ST8SIA1: variants seen among roughly 807,000 people sequenced by gnomAD.
ST8SIA1 encodes the protein alpha-N-acetylneuraminide alpha-2,8-sialyltransferase.
A neutral mutation model predicts 35.9 loss-of-function variants in ST8SIA1; 16 were observed. The ratio of observed to expected loss-of-function variants is 0.45; its 90% CI spans 0.30 to 0.68. ST8SIA1 has a LOEUF of 0.68. Among genes scored for constraint, ST8SIA1 ranks in the 30% least tolerant of loss-of-function variants. The pLI is 0.09. For missense variants in ST8SIA1, 383 were observed against 453.6 expected (o/e 0.84, Z 1.41); for synonymous variants, 170 against 169.6 (o/e 1.00, Z -0.02).
At chr12:22,223,436 A>C in intron 4 of ST8SIA1, 1 of 860,968 alleles carries the variant, frequency 1.2e-6, no homozygotes, top group Non-Finnish European at 1.4e-6. Context: ...TCCAAAGTGG[A>C]AAAGCTAAGA....
chr12:22,248,799 A>T (rs1284962025), intron 4 of ST8SIA1: 4 of 502,918 alleles, frequency 8.0e-6, no homozygotes, highest in Middle Eastern at 3.7e-4. Flanking sequence ...TAAAGGCAAG[A>T]AACAGAATCC....
chr12:22,259,464 A>AT (rs1054469640), intron 2 of ST8SIA1, among the ~76,000 whole-genome samples: 11 of 127,394 alleles, frequency 8.6e-5, no homozygotes, highest in African/African-American at 2.7e-4. Flanking sequence ...AATACTATGG[A>AT]TTTTTTTTTC....
chr12:22,253,372 C>T (rs1489364249), intron 3 of ST8SIA1, among the ~76,000 whole-genome samples: 1 of 152,168 alleles, frequency 6.6e-6, no homozygotes, highest in African/African-American at 2.4e-5. Context: ...CACTCCAATG[C>T]CTTCAATACC....
At chr12:22,305,609 G>T (rs978913602) in intron 1 of ST8SIA1, among the ~76,000 whole-genome samples, 7 of 152,092 alleles carry the variant, frequency 4.6e-5, no homozygotes, top group African/African-American at 1.7e-4. Flanking sequence ...TCGAACTCCT[G>T]ACCTCAGGTG....
intron 2 of ST8SIA1, among the ~76,000 whole-genome samples, chr12:22,261,503 G>T (rs1865791416): frequency 6.6e-6 from 1 of 152,106 alleles, no homozygotes; most frequent in African/African-American, 2.4e-5. Flanking sequence ...ATCATTGCAG[G>T]TATCATATCT....
At chr12:22,333,007 G>A (rs1350954958) in intron 1 of ST8SIA1, among the ~76,000 whole-genome samples, 2 of 152,144 alleles carry the variant, frequency 1.3e-5, no homozygotes, top group Non-Finnish European at 2.9e-5. Flanking sequence ...GGAAGCACCC[G>A]TGTGTTCCCT....
At chr12:22,274,785 A>G (rs1865949925) in intron 2 of ST8SIA1, among the ~76,000 whole-genome samples, 1 of 152,154 alleles carries the variant, frequency 6.6e-6, no homozygotes, top group Non-Finnish European at 1.5e-5. Flanking sequence ...GTGGGTGCAA[A>G]GGTTTTGGGA....
Position 22,198,522 on chromosome 12 carries a change from TACACAC to T in ST8SIA1, c.*3024_*3029del, listed in dbSNP as rs3063791. The T allele has an allele frequency of 0.017, 2,254 of 133,026 alleles. 54 individuals carry two copies. The highest frequency in any genetic ancestry group is 0.054 in the Admixed American group (716 of 13,298). The allele number at this position is 133,026 out of a possible 1,614,324, so 8.2% of individuals were successfully genotyped here. ...AGGATAGAGATGCCTAACTTCATGC[TACACAC>T]ACACACACACACACACACACACACA... On this transcript the variant is annotated 3_prime_UTR_variant, in exon 5 of 5. Coordinates refer to ENST00000396037, the MANE Select transcript of ST8SIA1 (RefSeq NM_003034.4).
intron 1 of ST8SIA1, among the ~76,000 whole-genome samples, chr12:22,319,123 T>C (rs370293935): frequency 1.2e-4 from 18 of 152,332 alleles, no homozygotes; most frequent in African/African-American, 4.1e-4. Flanking sequence ...AAAATAAGTA[T>C]AATAATATCT....
At chr12:22,220,206 G>A (rs1020757199) in intron 4 of ST8SIA1, among the ~76,000 whole-genome samples, 1 of 152,142 alleles carries the variant, frequency 6.6e-6, no homozygotes, top group Non-Finnish European at 1.5e-5. Flanking sequence ...CTCACATGAT[G>A]AGACACGAGC....
At chr12:22,298,906 A>G (rs1591848610) in intron 1 of ST8SIA1, among the ~76,000 whole-genome samples, 1 of 152,238 alleles carries the variant, frequency 6.6e-6, no homozygotes, top group East Asian at 1.9e-4. Flanking sequence ...AAACAAAAAC[A>G]AAAGTAGAGA....
intron 4 of ST8SIA1, among the ~76,000 whole-genome samples, chr12:22,224,728 C>T (rs2120671473): frequency 6.6e-6 from 1 of 152,228 alleles, no homozygotes; most frequent in East Asian, 1.9e-4. Context: ...ATCCTCAAGA[C>T]AAATAAGTAT....
chr12:22,247,984 T>A (rs965637084), intron 4 of ST8SIA1, among the ~76,000 whole-genome samples: 1 of 152,228 alleles, frequency 6.6e-6, no homozygotes, highest in Non-Finnish European at 1.5e-5. Flanking sequence ...TAGAATATAA[T>A]GTATCCTTTT....
intron 1 of ST8SIA1, among the ~76,000 whole-genome samples, chr12:22,305,493 G>A (rs1400232378): frequency 1.3e-5 from 2 of 149,828 alleles, no homozygotes; most frequent in African/African-American, 4.9e-5. Context: ...CTATTCTCCT[G>A]CCTCAGCCTC....
intron 4 of ST8SIA1, among the ~76,000 whole-genome samples, chr12:22,244,036 A>G (rs1053681825): frequency 4.6e-5 from 7 of 152,038 alleles, no homozygotes; most frequent in Non-Finnish European, 8.8e-5. Flanking sequence ...GTCTCAAAAA[A>G]AAAAAATGTT....
At chr12:22,202,143 A>G in intron 4 of ST8SIA1, 105 bp from the exon 5 acceptor site, 1 of 926,008 alleles carries the variant, frequency 1.1e-6, no homozygotes, top group Non-Finnish European at 1.6e-6. Context: ...AATCATCTCA[A>G]TGAAACACAT....
rs377468917 is a variant in ST8SIA1, at chr12:22,281,348, G to A, written c.381+5801C>T. The stretch of plus-strand genomic sequence containing the variant: ...CCATGACTTGTCTGGGATCATAAGC[G>A]TCATCATAGAAAGGCCAGGCTTAGG... On this transcript the variant is annotated intron_variant, in intron 2 of 4. Transcript: ENST00000396037. Among the ~76,000 whole-genome samples, 31 of 152,188 alleles carry A rather than the reference G, an allele frequency of 2.0e-4. 2 individuals are homozygous for A. Among genetic ancestry groups the A allele is most frequent in the African/African-American group, 7.2e-4 (30 of 41,526 alleles).
At chr12:22,295,369 A>G (rs542582589) in intron 1 of ST8SIA1, among the ~76,000 whole-genome samples, 18 of 152,140 alleles carry the variant, frequency 1.2e-4, no homozygotes, top group Non-Finnish European at 2.2e-4. Context: ...AAGTTTTAAA[A>G]TTTATTTAAT....
In ST8SIA1 at chr12:22,334,220, C is replaced by T. The variant is rs1469969508; in HGVS notation, c.13G>A (p.Gly5Arg). 5.0e-6 allele frequency: 8 copies of T among 1,611,812 alleles called. No individual in the cohort carries two copies. Among genetic ancestry groups the T allele is most frequent in the East Asian group, 4.5e-5 (2 of 44,820 alleles). The stretch of plus-strand genomic sequence containing the variant: ...CTGGACGTTTGTCGCCGGGCCCGCC[C>T]GCAGGGGCTCATCGCAGCCCCGGCG... MSPC[G>R]RARRQTSRGA... Residue 5 changes from glycine to arginine, a missense_variant, in exon 1 of 5, where the codon GGG (glycine) becomes AGG (arginine). Physicochemically the swap from Gly to Arg is moderately radical, Grantham distance 125. Coordinates refer to ENST00000396037, the MANE Select transcript of ST8SIA1 (RefSeq NM_003034.4).
Sources: allele counts gnomAD v4.1 joint callset (sites outside exome capture counted in the v4.1 genomes callset), GRCh38; gene constraint gnomAD v4.1.1; transcripts MANE v1.5; gene names NCBI Gene and HGNC (gene_info 2026-07-23, HGNC 2026-07-21).